Variants in ZNF423 observed in about 807,000 individuals in gnomAD.
ZNF423 encodes the protein Ebf-associated zinc finger protein.
ZNF423 carries 12 observed loss-of-function variants against 95.8 expected under a neutral mutation model. That is an observed-to-expected ratio of 0.13 (90% CI 0.08 to 0.20). The LOEUF (loss-of-function observed/expected upper bound fraction) is 0.20. ZNF423 is among the 10% of genes least tolerant of loss of function. ZNF423 has a pLI of 1.00. For missense variants in ZNF423, 1,316 were observed against 1,737.1 expected, an observed-to-expected ratio of 0.76 and a Z score of 4.31; for synonymous variants, 749 against 711.9, an observed-to-expected ratio of 1.05 and a Z score of -0.83.
At chr16:49,747,622 G>A (rs1030357519) in intron 2 of ZNF423, among the ~76,000 whole-genome samples, 3 of 149,178 alleles carry the variant, frequency 2.0e-5, no homozygotes, top group East Asian at 2.0e-4. Context: ...CTGGACAGTC[G>A]TTATTCTCTT....
intron 7 of ZNF423, among the ~76,000 whole-genome samples, chr16:49,521,182 G>A (rs973398722): frequency 6.6e-6 from 1 of 152,202 alleles, no homozygotes; most frequent in African/African-American, 2.4e-5. Flanking sequence ...AAAACGTCAG[G>A]ATGGGAAACC....
intron 2 of ZNF423, among the ~76,000 whole-genome samples, chr16:49,761,570 C>A (rs2143643926): frequency 6.6e-6 from 1 of 152,282 alleles, no homozygotes; most frequent in South Asian, 2.1e-4. Context: ...AAAACAGGAG[C>A]CATAAAAACC....
intron 7 of ZNF423, among the ~76,000 whole-genome samples, chr16:49,507,924 G>A (rs181212138): frequency 7.5e-4 from 114 of 152,318 alleles, no homozygotes; most frequent in Non-Finnish European, 1.4e-3. Context: ...ATCCAAAGGG[G>A]TCACACAGAA....
At chr16:49,626,550 C>T (rs1485375447) in intron 4 of ZNF423, among the ~76,000 whole-genome samples, 1 of 152,064 alleles carries the variant, frequency 6.6e-6, no homozygotes, top group Non-Finnish European at 1.5e-5. Flanking sequence ...AAGGGCAAAT[C>T]CATCTACCCA....
At chr16:49,846,350 C>T (rs1233144844) in intron 1 of ZNF423, among the ~76,000 whole-genome samples, 1 of 151,028 alleles carries the variant, frequency 6.6e-6, no homozygotes, top group South Asian at 2.1e-4. Flanking sequence ...AGGTAGTGAG[C>T]GCCCTGCGAG....
chr16:49,774,957 GC>G (rs1487446554), intron 2 of ZNF423, among the ~76,000 whole-genome samples: 1 of 152,116 alleles, frequency 6.6e-6, no homozygotes, highest in East Asian at 1.9e-4. Context: ...TGGAGATCCT[GC>G]CTTAAAGAAA....
At chr16:49,745,332 AAGAC>A (rs1453737859) in intron 2 of ZNF423, among the ~76,000 whole-genome samples, 11 of 152,222 alleles carry the variant, frequency 7.2e-5, no homozygotes, top group Admixed American at 5.9e-4. Context: ...TTCTAACACA[AAGAC>A]AGATCTCTGG....
At chr16:49,854,316 T>C (rs1332316164) in intron 1 of ZNF423, 1 of 985,282 alleles carries the variant, frequency 1.0e-6, no homozygotes, top group Non-Finnish European at 1.2e-6. Context: ...GGGGAGGATC[T>C]CTGCTGGGCC....
rs148029656 is a variant in ZNF423, at chr16:49,782,134, C to T, written c.100+7353G>A. Among the ~76,000 whole-genome samples the T allele has an allele frequency of 3.8e-3, 574 of 152,384 alleles. 5 individuals carry two copies. Among genetic ancestry groups the T allele is most frequent in the African/African-American group, 0.013 (544 of 41,602 alleles). ...GGCAGCAAATCCTGAGAGCTGGCTG[C>T]AGTCAGACTCTTCTACCTGACCCAG... On this transcript the variant is annotated intron_variant, in intron 2 of 7. Transcript: ENST00000563137.
In ZNF423 at chr16:49,777,065, C is replaced by T. The variant is rs573225195; in HGVS notation, c.100+12422G>A. On this transcript the variant is annotated intron_variant, in intron 2 of 7. Transcript: ENST00000563137. Reference sequence around the variant, plus strand: ...CAGTGTGAACACACTCCTGTATGCACGTATGGGTGTGCATCTGTGTTATGC... The same window carrying T: ...CAGTGTGAACACACTCCTGTATGCATGTATGGGTGTGCATCTGTGTTATGC... Among the ~76,000 whole-genome samples, 7 of 152,230 alleles carry T rather than the reference C, an allele frequency of 4.6e-5. No individual in the cohort carries two copies. In the South Asian group the frequency reaches 1.0e-3, roughly 23 times the overall value.
intron 4 of ZNF423, among the ~76,000 whole-genome samples, chr16:49,631,468 A>G (rs767176166): frequency 6.6e-6 from 1 of 150,886 alleles, no homozygotes; most frequent in African/African-American, 2.4e-5. Flanking sequence ...ACTAGGAGAT[A>G]TAATTACAGA....
chr16:49,781,088 T>C (rs2034204675), intron 2 of ZNF423, among the ~76,000 whole-genome samples: 1 of 152,054 alleles, frequency 6.6e-6, no homozygotes, highest in South Asian at 2.1e-4. Context: ...GACGGTCACT[T>C]GGGGAAATGT....
At chr16:49,653,856 G>T (rs1973505341) in intron 3 of ZNF423, among the ~76,000 whole-genome samples, 1 of 152,210 alleles carries the variant, frequency 6.6e-6, no homozygotes, top group Admixed American at 6.5e-5. Flanking sequence ...TATTTGAGTG[G>T]TTGGGGTGTC....
intron 1 of ZNF423, among the ~76,000 whole-genome samples, chr16:49,815,915 T>TATATATA (rs1491270483): frequency 1.2e-3 from 26 of 21,422 alleles, no homozygotes; most frequent in South Asian, 5.6e-3. Flanking sequence ...TATATATATA[T>TATATATA]TTTTTTTTTT....
intron 1 of ZNF423, among the ~76,000 whole-genome samples, chr16:49,839,303 C>A (rs1339707105): frequency 1.3e-5 from 2 of 152,098 alleles, no homozygotes; most frequent in Non-Finnish European, 2.9e-5. Flanking sequence ...AAGCCTCAGG[C>A]CACAGCCCTG....
intron 7 of ZNF423, among the ~76,000 whole-genome samples, chr16:49,521,067 C>T (rs902402089): frequency 2.0e-5 from 3 of 152,270 alleles, no homozygotes; most frequent in Non-Finnish European, 4.4e-5. Flanking sequence ...GCCCACAGCT[C>T]GAGATAGGTG....
At chr16:49,573,808 A>G (rs1337534921) in intron 5 of ZNF423, among the ~76,000 whole-genome samples, 4 of 152,206 alleles carry the variant, frequency 2.6e-5, no homozygotes, top group African/African-American at 9.7e-5. Flanking sequence ...GCTGATTACC[A>G]ATTCCAGTTT....
chr16:49,815,914 AT>A lies in ZNF423; in HGVS notation c.41-26369del, dbSNP rs58692079. 8.3e-3 allele frequency among the ~76,000 whole-genome samples: 245 copies of A among 29,550 alleles called. 1 individual carries two copies. Among genetic ancestry groups the A allele is most frequent in the African/African-American group, 0.015 (114 of 7,592 alleles). The allele number at this position is 29,550 out of a possible 152,430, so 19.4% of individuals were successfully genotyped here. A position where few individuals can be genotyped will look rare whatever the true frequency, so the allele number is the denominator to read the frequency against. ...TATATATATATATATATATATATAT[AT>A]TTTTTTTTTTTTTTTTTTTTTGAGA... is the stretch of plus-strand genomic sequence containing the variant. On this transcript the variant is annotated intron_variant, in intron 1 of 7. Transcript: ENST00000563137.
chr16:49,789,675 G>T, intron 1 of ZNF423, 129 bp from the exon 2 acceptor site: 1 of 809,452 alleles, frequency 1.2e-6, no homozygotes, highest in Non-Finnish European at 1.8e-6. Flanking sequence ...AGGGGAGAGG[G>T]GGCAAAGCCT....
Sources: gnomAD v4.1 joint callset for allele counts (sites outside exome capture counted in the v4.1 genomes callset) on GRCh38, gnomAD v4.1.1 for gene constraint, MANE v1.5 for transcripts, NCBI Gene and HGNC (gene_info 2026-07-23, HGNC 2026-07-21) for gene names.